ZNF385D: variants seen among roughly 807,000 people sequenced by gnomAD.
ZNF385D encodes zinc finger protein 385D.
In ZNF385D, 15 loss-of-function variants were observed where a neutral mutation model predicts 35.8. That is an observed-to-expected ratio of 0.42 (90% confidence interval 0.28 to 0.64). ZNF385D has a LOEUF of 0.64. Among genes scored for constraint, ZNF385D ranks in the 30% least tolerant of loss-of-function variants. The pLI is 0.23. For missense variants in ZNF385D, 474 were observed against 494.6 expected (o/e 0.96, Z 0.39); for synonymous variants, 212 against 186.8 (o/e 1.13, Z -1.10).
At chr3:22,314,680 A>T (rs907509853) in intron 2 of ZNF385D, among the ~76,000 whole-genome samples, 3 of 152,150 alleles carry the variant, frequency 2.0e-5, no homozygotes, top group African/African-American at 7.2e-5. Flanking sequence ...CTTCAAGAAC[A>T]AATTTCTACT....
At chr3:21,817,980 A>G (rs2073227665) in intron 3 of ZNF385D, among the ~76,000 whole-genome samples, 1 of 152,210 alleles carries the variant, frequency 6.6e-6, no homozygotes, top group African/African-American at 2.4e-5. Context: ...CATATACACC[A>G]TGGAATTCTA....
At chr3:21,546,582 T>A (rs2062380282) in intron 3 of ZNF385D, among the ~76,000 whole-genome samples, 1 of 151,906 alleles carries the variant, frequency 6.6e-6, no homozygotes, top group Non-Finnish European at 1.5e-5. Flanking sequence ...TGTCCCAGAC[T>A]CAATTCCAAG....
intron 3 of ZNF385D, among the ~76,000 whole-genome samples, chr3:21,944,611 T>A (rs1233805145): frequency 6.6e-6 from 1 of 152,146 alleles, no homozygotes; most frequent in Non-Finnish European, 1.5e-5. Context: ...CTTTGCACAT[T>A]GTATTTTCAA....
chr3:21,735,160 T>C (rs1368043575), intron 1 of ZNF385D, among the ~76,000 whole-genome samples: 1 of 151,740 alleles, frequency 6.6e-6, no homozygotes, highest in South Asian at 2.1e-4. Context: ...AAGCAAAGAG[T>C]CACCTTCTTG....
chr3:22,361,310 C>G (rs1477171514), intron 2 of ZNF385D, among the ~76,000 whole-genome samples: 1 of 152,032 alleles, frequency 6.6e-6, no homozygotes, highest in African/African-American at 2.4e-5. Context: ...AAGCAATTTG[C>G]TGTAATCAGA....
At chr3:21,986,878 A>G (rs1694833247) in intron 3 of ZNF385D, among the ~76,000 whole-genome samples, 1 of 46,528 alleles carries the variant, frequency 2.1e-5, no homozygotes, top group Non-Finnish European at 4.0e-5. Flanking sequence ...TATATTTAGG[A>G]TAGTTAGCTC....
At chr3:22,215,304 C>T (rs781483907) in intron 2 of ZNF385D, among the ~76,000 whole-genome samples, 7 of 151,962 alleles carry the variant, frequency 4.6e-5, no homozygotes, top group Admixed American at 2.6e-4. Flanking sequence ...AAACTCTGAC[C>T]GCTGGTGAGC....
chr3:22,043,377 C>G (rs1443173600), intron 3 of ZNF385D, among the ~76,000 whole-genome samples: 1 of 152,108 alleles, frequency 6.6e-6, no homozygotes, highest in African/African-American at 2.4e-5. Flanking sequence ...TTTTAACGTA[C>G]TGAAACCATG....
rs571323150 is a variant in ZNF385D, at chr3:22,147,238, C to T, written c.325+21579G>A. On this transcript the variant is annotated intron_variant, in intron 3 of 5. Coordinates refer to the ZNF385D transcript ENST00000494108. ...GCTTTCCTAAACCATTTCATTCTCT[C>T]CTGGTAAGATATGAATTTTCCTTGA... 3.3e-5 allele frequency among the ~76,000 whole-genome samples: 5 copies of T among 152,250 alleles called. No homozygotes were observed. The Middle Eastern group carries it at 0.01, about 311-fold the overall frequency.
At chr3:21,810,272 T>A (rs372804150) in intron 3 of ZNF385D, among the ~76,000 whole-genome samples, 1 of 151,990 alleles carries the variant, frequency 6.6e-6, no homozygotes, top group East Asian at 1.9e-4. Context: ...AGAAACTACA[T>A]GATCATATTA....
intron 2 of ZNF385D, among the ~76,000 whole-genome samples, chr3:21,569,765 G>T (rs1325556390): frequency 1.3e-5 from 2 of 151,538 alleles, no homozygotes; most frequent in African/African-American, 4.9e-5. Flanking sequence ...GTAGGGACAT[G>T]GATGAAATTG....
At chr3:21,552,726 C>T (rs1475934549) in intron 3 of ZNF385D, among the ~76,000 whole-genome samples, 1 of 152,148 alleles carries the variant, frequency 6.6e-6, no homozygotes, top group Non-Finnish European at 1.5e-5. Context: ...CTAAGTCAAA[C>T]ATTCAAATAA....
chr3:22,019,365 A>T (rs556674215), intron 3 of ZNF385D, among the ~76,000 whole-genome samples: 1 of 152,030 alleles, frequency 6.6e-6, no homozygotes, highest in East Asian at 1.9e-4. Context: ...ATTCATTCAC[A>T]TAGATTTCAG....
chr3:22,062,354 C>A (rs73139310), intron 3 of ZNF385D, among the ~76,000 whole-genome samples: 3 of 152,136 alleles, frequency 2.0e-5, no homozygotes, highest in African/African-American at 7.2e-5. Flanking sequence ...TTGCGCCCAG[C>A]CTGTTGGTAC....
At chr3:22,205,663 A>T (rs536864423) in intron 2 of ZNF385D, among the ~76,000 whole-genome samples, 1 of 152,184 alleles carries the variant, frequency 6.6e-6, no homozygotes, top group African/African-American at 2.4e-5. Flanking sequence ...TTGTTTATGC[A>T]ACAGTGTTAA....
chr3:21,627,518 A>G (rs1052291578), intron 2 of ZNF385D, among the ~76,000 whole-genome samples: 11 of 152,060 alleles, frequency 7.2e-5, no homozygotes, highest in African/African-American at 2.4e-4. Context: ...TCAAGTGTCT[A>G]TTTCTCACCA....
chr3:22,000,256 G>C (rs887389269), intron 3 of ZNF385D, among the ~76,000 whole-genome samples: 2 of 151,830 alleles, frequency 1.3e-5, no homozygotes, highest in Non-Finnish European at 2.9e-5. Flanking sequence ...AGTGAGTGGA[G>C]ATCATGCCAC....
At chr3:21,701,067 GAGTAT>G in intron 1 of ZNF385D, among the ~76,000 whole-genome samples, 1 of 152,290 alleles carries the variant, frequency 6.6e-6, no homozygotes, top group South Asian at 2.1e-4. Context: ...AAGGCAGAAT[GAGTAT>G]AAGTTGGGAG....
rs368137509 is a variant in ZNF385D at position 21,936,849 on chromosome 3, G to A, written c.325+231968C>T. Reference sequence around the variant, plus strand: ...AAAATAAAAGTCTGTAAACTTCCTGGGCTTTTATTAGAAATTAAAGGTTAG... The same window carrying A: ...AAAATAAAAGTCTGTAAACTTCCTGAGCTTTTATTAGAAATTAAAGGTTAG... On this transcript the variant is annotated intron_variant, in intron 3 of 5. Transcript: ENST00000494108. Among the ~76,000 whole-genome samples the A allele has an allele frequency of 1.1e-4, 17 of 152,100 alleles. No individual in the cohort carries two copies. In the East Asian group the frequency reaches 3.1e-3, roughly 28 times the overall value.
Sources: gnomAD v4.1 joint callset for allele counts (sites outside exome capture counted in the v4.1 genomes callset) on GRCh38, gnomAD v4.1.1 for gene constraint, MANE v1.5 for transcripts, NCBI Gene and HGNC (gene_info 2026-07-23, HGNC 2026-07-21) for gene names.